The following RBFOX1 variants were observed in gnomAD, a reference collection of about 807,000 sequenced individuals.
RBFOX1 encodes the protein RNA binding fox-1 homolog 1, also known as RNA binding protein fox-1 homolog 1.
A neutral mutation model predicts 57.7 loss-of-function variants in RBFOX1; 8 were observed. That is an observed-to-expected ratio of 0.14 (90% CI 0.08 to 0.25). The LOEUF (loss-of-function observed/expected upper bound fraction) is 0.25. RBFOX1 is among the 10% of genes least tolerant of loss of function. The pLI is 1.00. For synonymous variants in RBFOX1, 326 were observed against 222.4 expected (o/e 1.47, Z -4.15); for missense variants, 611 against 548.5 (o/e 1.11, Z -1.14).
rs1040061521 is a variant in RBFOX1, at chr16:6,483,837, G to C, written c.-64+166780G>C. ...GGCTGCTGATTAGAATAGGGGACTT[G>C]GCCGTGGATGGAATCCGGGAAACCC... On this transcript the variant is annotated intron_variant, in intron 2 of 15. Transcript: ENST00000550418. 38 of 1,237,962 alleles carry C rather than the reference G, an allele frequency of 3.1e-5. No homozygotes were observed. In the African/African-American group the frequency reaches 5.1e-4, roughly 17 times the overall value. 76.7% of individuals were successfully genotyped at this position (1,237,962 alleles called of 1,614,324 possible). A position where few individuals can be genotyped will look rare whatever the true frequency, so the allele number is the denominator to read the frequency against.
intron 2 of RBFOX1, among the ~76,000 whole-genome samples, chr16:6,595,596 A>G (rs930641237): frequency 1.8e-4 from 28 of 152,276 alleles, no homozygotes; most frequent in African/African-American, 6.0e-4. Flanking sequence ...TTTCTGGGTC[A>G]TATGGACTCT....
chr16:5,287,468 A>G, intron 1 of RBFOX1, among the ~76,000 whole-genome samples: 1 of 152,224 alleles, frequency 6.6e-6, no homozygotes, highest in South Asian at 2.1e-4. Flanking sequence ...GTTAAAATCT[A>G]CAGAGATAAA....
intron 1 of RBFOX1, among the ~76,000 whole-genome samples, chr16:5,410,908 T>G (rs2067003513): frequency 6.6e-6 from 1 of 152,250 alleles, no homozygotes; most frequent in South Asian, 2.1e-4. Context: ...ACTTGTACTC[T>G]TTACATCTTG....
At chr16:6,399,122 C>A (rs903490643) in intron 2 of RBFOX1, among the ~76,000 whole-genome samples, 2 of 152,218 alleles carry the variant, frequency 1.3e-5, no homozygotes, top group Admixed American at 6.5e-5. Flanking sequence ...ATGGCCTGAG[C>A]TGTACCTTGG....
chr16:7,208,972 A>T (rs545295133), intron 4 of RBFOX1, among the ~76,000 whole-genome samples: 17 of 151,966 alleles, frequency 1.1e-4, no homozygotes, highest in Admixed American at 3.3e-4. Context: ...TCTTCACTTC[A>T]TCTTCCCTCT....
At chr16:5,509,265 T>G (rs142343321) in intron 2 of RBFOX1, among the ~76,000 whole-genome samples, 1 of 152,066 alleles carries the variant, frequency 6.6e-6, no homozygotes, top group Non-Finnish European at 1.5e-5. Flanking sequence ...GAATTGGCAA[T>G]GATGGAAGAA....
chr16:7,006,235 T>A (rs754775452), intron 3 of RBFOX1, among the ~76,000 whole-genome samples: 4 of 152,080 alleles, frequency 2.6e-5, no homozygotes, highest in Non-Finnish European at 5.9e-5. Flanking sequence ...GTTCACTGCA[T>A]CCTCTGCCTC....
intron 3 of RBFOX1, among the ~76,000 whole-genome samples, chr16:6,979,590 C>A (rs1400248839): frequency 6.6e-6 from 1 of 152,144 alleles, no homozygotes; most frequent in Non-Finnish European, 1.5e-5. Context: ...CAGCACAGTA[C>A]AGGGGTGTGA....
At chr16:5,525,036 A>T (rs944154684) in intron 2 of RBFOX1, among the ~76,000 whole-genome samples, 4 of 152,132 alleles carry the variant, frequency 2.6e-5, no homozygotes, top group African/African-American at 9.7e-5. Flanking sequence ...TCCCCAACAC[A>T]ACTTAACATT....
chr16:5,369,216 G>T (rs918747917), intron 1 of RBFOX1, among the ~76,000 whole-genome samples: 2 of 152,180 alleles, frequency 1.3e-5, no homozygotes, highest in Non-Finnish European at 2.9e-5. Context: ...TGGCCAGGAT[G>T]GTCTTGAACT....
intron 3 of RBFOX1, among the ~76,000 whole-genome samples, chr16:6,799,956 C>T (rs915881114): frequency 6.6e-6 from 1 of 152,132 alleles, no homozygotes; most frequent in South Asian, 2.1e-4. Context: ...TGATGTGAGT[C>T]AATTCTCCTT....
chr16:6,582,857 C>CTG (rs3045193), intron 2 of RBFOX1, among the ~76,000 whole-genome samples: 72,340 of 149,622 alleles, frequency 0.48, 18,523 homozygotes, highest in East Asian at 0.67. Flanking sequence ...TCAACAGAAA[C>CTG]AACTGAGCTA....
At chr16:6,056,901 G>A (rs149187408) in intron 1 of RBFOX1, 16 of 150,152 alleles carry the variant, frequency 1.1e-4, no homozygotes, top group Admixed American at 3.3e-4. Context: ...GAACAAAGAC[G>A]GAGTGCAGAT....
At chr16:5,743,782 A>T (rs554192128) in intron 3 of RBFOX1, among the ~76,000 whole-genome samples, 11 of 152,162 alleles carry the variant, frequency 7.2e-5, no homozygotes, top group African/African-American at 2.6e-4. Flanking sequence ...GCCCTAAGTA[A>T]TCCTCCCACC....
At chr16:5,753,186 G>A (rs1237851233) in intron 3 of RBFOX1, among the ~76,000 whole-genome samples, 1 of 151,904 alleles carries the variant, frequency 6.6e-6, no homozygotes, top group African/African-American at 2.4e-5. Flanking sequence ...AAATGCTTGT[G>A]TGTGTATGAG....
chr16:5,548,611 T>C (rs954947026), intron 2 of RBFOX1, among the ~76,000 whole-genome samples: 3 of 151,982 alleles, frequency 2.0e-5, no homozygotes, highest in Non-Finnish European at 4.4e-5. Flanking sequence ...AAACATCTCA[T>C]CTACCCCATA....
intron 3 of RBFOX1, among the ~76,000 whole-genome samples, chr16:6,768,008 A>T (rs1265366321): frequency 6.6e-6 from 1 of 151,176 alleles, no homozygotes; most frequent in Non-Finnish European, 1.5e-5. Flanking sequence ...AAAACTGGAC[A>T]AAACTGGGAG....
intron 2 of RBFOX1, among the ~76,000 whole-genome samples, chr16:6,466,265 T>G (rs866178606): frequency 6.6e-6 from 1 of 151,970 alleles, no homozygotes; most frequent in Admixed American, 6.6e-5. Flanking sequence ...TAAAAAAAAT[T>G]GAAATCATCC....
chr16:6,944,335 C>T (rs1009043308), intron 3 of RBFOX1, among the ~76,000 whole-genome samples: 2 of 148,638 alleles, frequency 1.3e-5, no homozygotes, highest in African/African-American at 5.0e-5. Context: ...GCGGAGGTTG[C>T]AGTGTGCCAA....
Sources: gnomAD v4.1 joint callset for allele counts (sites outside exome capture counted in the v4.1 genomes callset) on GRCh38, gnomAD v4.1.1 for gene constraint, MANE v1.5 for transcripts, NCBI Gene and HGNC (gene_info 2026-07-23, HGNC 2026-07-21) for gene names.